Variants in RYR2 observed in about 807,000 individuals in gnomAD.
RYR2 encodes the protein ryanodine receptor 2.
In RYR2, 227 loss-of-function variants were observed where a neutral mutation model predicts 601.1. The observed-to-expected ratio is 0.38, with a 90% CI of 0.34 to 0.42. The LOEUF (loss-of-function observed/expected upper bound fraction) is 0.42, where lower values mean the gene tolerates loss of function less well. Among genes scored for constraint, RYR2 ranks in the 10% least tolerant of loss-of-function variants. The pLI is 1.00. For synonymous variants in RYR2, 2,223 were observed against 2,175.1 expected (o/e 1.02, Z -0.61); for missense variants, 4,646 against 6,156.5 (o/e 0.75, Z 8.21).
In RYR2 at chr1:237,148,549, T is replaced by C. The variant is rs866479900; in HGVS notation, c.48+105980T>C. Among the ~76,000 whole-genome samples the C allele has an allele frequency of 5.0e-4, 65 of 130,296 alleles. 3 individuals carry two copies. Among genetic ancestry groups the C allele is most frequent in the African/African-American group, 2.1e-3 (63 of 29,872 alleles). 85.5% of individuals were successfully genotyped at this position (130,296 alleles called of 152,430 possible). A position where few individuals can be genotyped will look rare whatever the true frequency, so the allele number is the denominator to read the frequency against. The stretch of plus-strand genomic sequence containing the variant: ...AAAAATATATATATATATATATATA[T>C]ATATACACACACACATATATATATA... On this transcript the variant is annotated intron_variant, in intron 1 of 104. Transcript: ENST00000366574.
intron 1 of RYR2, among the ~76,000 whole-genome samples, chr1:237,109,764 G>A (rs952120420): frequency 6.6e-6 from 1 of 151,768 alleles, no homozygotes; most frequent in Non-Finnish European, 1.5e-5. Flanking sequence ...ATAGGTAGGG[G>A]AAACGGAAAT....
Position 237,420,801 on chromosome 1 carries a change from G to A in RYR2, c.849-2291G>A, listed in dbSNP as rs1572242720. Among the ~76,000 whole-genome samples, 2 of 152,116 alleles carry A rather than the reference G, an allele frequency of 1.3e-5. 1 individual carries two copies. The highest frequency in any genetic ancestry group is 4.1e-4 in the South Asian group (2 of 4,834). On this transcript the variant is annotated intron_variant, in intron 11 of 104. Coordinates refer to ENST00000366574, the MANE Select transcript of RYR2 (RefSeq NM_001035.3). ...TTTGTGCTGTTTTGAAAATGAAGGT[G>A]TGTTCCATGATGATTAAGATGAATT...
At chr1:237,491,210 GTTTA>G (rs575364168) in intron 17 of RYR2, among the ~76,000 whole-genome samples, 13 of 152,116 alleles carry the variant, frequency 8.5e-5, no homozygotes, top group Admixed American at 7.2e-4. Flanking sequence ...TGTTATTTCT[GTTTA>G]TTTATGTCTT....
At chr1:237,789,497 A>G (rs1048857102) in intron 92 of RYR2, among the ~76,000 whole-genome samples, 1 of 152,084 alleles carries the variant, frequency 6.6e-6, no homozygotes, top group African/African-American at 2.4e-5. Context: ...GGTATGCCAT[A>G]ATGGCTTCCA....
chr1:237,307,231 A>C (rs542615076), intron 2 of RYR2, among the ~76,000 whole-genome samples: 3 of 152,290 alleles, frequency 2.0e-5, no homozygotes, highest in African/African-American at 7.2e-5. Context: ...TCTTTACATC[A>C]TGAGGAAGAA....
intron 92 of RYR2, among the ~76,000 whole-genome samples, 173 bp downstream of exon 92, chr1:237,788,308 G>C (rs1405044721): frequency 6.6e-6 from 1 of 152,004 alleles, no homozygotes; most frequent in Non-Finnish European, 1.5e-5. Flanking sequence ...GAATGTCTCT[G>C]GCCCACCGCT....
At chr1:237,438,245 A>G (rs997692458) in intron 12 of RYR2, among the ~76,000 whole-genome samples, 5 of 152,148 alleles carry the variant, frequency 3.3e-5, no homozygotes, top group African/African-American at 1.2e-4. Flanking sequence ...TAGTTGCTGT[A>G]AAGTCCTCGT....
intron 1 of RYR2, among the ~76,000 whole-genome samples, chr1:237,058,921 G>A (rs1662513894): frequency 6.6e-6 from 1 of 151,840 alleles, no homozygotes; most frequent in Non-Finnish European, 1.5e-5. Flanking sequence ...ACTGCTTATT[G>A]AACATTCTCT....
In RYR2 at chr1:237,430,600, T is replaced by C. The variant is rs530098757; in HGVS notation, c.1005+7352T>C. 7.9e-5 allele frequency among the ~76,000 whole-genome samples: 12 copies of C among 152,254 alleles called. No individual in the cohort carries two copies. In the East Asian group the frequency reaches 2.3e-3, roughly 29 times the overall value. On this transcript the variant is annotated intron_variant, in intron 12 of 104. Transcript: ENST00000366574. ...TTTTTTCTTTAACTTAAAAAATGTA[T>C]CTCTGGATTATTTTGGCTATTACAA...
chr1:237,396,289 C>G (rs1702851531), intron 10 of RYR2, among the ~76,000 whole-genome samples: 1 of 152,118 alleles, frequency 6.6e-6, no homozygotes, highest in South Asian at 2.1e-4. Context: ...GCTAAGTCAT[C>G]TATATTGAGA....
chr1:237,289,806 A>T (rs757455527), intron 2 of RYR2, among the ~76,000 whole-genome samples: 40 of 152,238 alleles, frequency 2.6e-4, no homozygotes, highest in Admixed American at 7.2e-4. Flanking sequence ...AAATCGATAA[A>T]TAATTATTGA....
chr1:237,101,385 G>A (rs1359119297), intron 1 of RYR2, among the ~76,000 whole-genome samples: 2 of 150,090 alleles, frequency 1.3e-5, no homozygotes, highest in Non-Finnish European at 3.0e-5. Context: ...CCACTATTAA[G>A]GGGAGCAATC....
intron 40 of RYR2, among the ~76,000 whole-genome samples, chr1:237,626,661 G>A (rs1281403108): frequency 2.4e-5 from 3 of 126,680 alleles, no homozygotes; most frequent in South Asian, 2.5e-4. Context: ...GTGCATTTTC[G>A]GCTTACTGCA....
chr1:237,295,368 T>C (rs927509056), intron 2 of RYR2, among the ~76,000 whole-genome samples: 5 of 152,046 alleles, frequency 3.3e-5, no homozygotes, highest in Admixed American at 1.3e-4. Flanking sequence ...CTGATCTAGA[T>C]TGGTACAAAA....
At chr1:237,229,987 T>C (rs1198662203) in intron 1 of RYR2, among the ~76,000 whole-genome samples, 2 of 152,162 alleles carry the variant, frequency 1.3e-5, no homozygotes, top group East Asian at 1.9e-4. Context: ...TTTTTTTATA[T>C]AGAGCTTTGC....
chr1:237,144,642 C>T (rs894454049), intron 1 of RYR2, among the ~76,000 whole-genome samples: 2 of 152,090 alleles, frequency 1.3e-5, no homozygotes, highest in Non-Finnish European at 2.9e-5. Context: ...AAAGGATGGG[C>T]AACATCTCTT....
At position 237,602,129 on chromosome 1, in the gene RYR2, T is replaced by C. The variant is rs371394153; in HGVS notation, c.4683+18T>C. 29 of 1,580,422 alleles carry C rather than the reference T, an allele frequency of 1.8e-5. No individual in the cohort carries two copies. The highest frequency in any genetic ancestry group is 1.7e-4 in the South Asian group (15 of 88,698). Reference sequence around the variant, plus strand: ...GAATAAAGGTAATAAAACTTATTCCTGGTATTGTATTTGTATTTTTTCTAT... The same window carrying C: ...GAATAAAGGTAATAAAACTTATTCCCGGTATTGTATTTGTATTTTTTCTAT... On this transcript the variant is annotated intron_variant, in intron 35 of 104. Coordinates refer to ENST00000366574, the MANE Select transcript of RYR2 (RefSeq NM_001035.3).
rs542777295 is a variant in RYR2 at position 237,330,935 on chromosome 1, C to T, written c.226C>T (p.Arg76Trp). ...TFVLEQSLSVRALQEMLANTV... is the reference protein window; with the variant it reads ...TFVLEQSLSVWALQEMLANTV... ...TGTGCTGGAGCAGTCCCTCTCTGTCCGGGCGCTGCAGGAGATGCTGGCTAA... is the reference window on the plus strand; with the variant it reads ...TGTGCTGGAGCAGTCCCTCTCTGTCTGGGCGCTGCAGGAGATGCTGGCTAA... Residue 76 changes from arginine to tryptophan, a missense_variant, in exon 3 of 105, where the codon CGG (arginine) becomes TGG (tryptophan). Physicochemically the swap from Arg to Trp is moderately radical, Grantham distance 101 (BLOSUM62 -3). Around this residue, in one of 17 missense-constraint regions of RYR2, gnomAD observed 153 missense variants for 203.6 expected, o/e 0.75. Coordinates refer to ENST00000366574, the MANE Select transcript of RYR2 (RefSeq NM_001035.3). 6.2e-6 allele frequency: 10 copies of T among 1,613,982 alleles called. No individual in the cohort carries two copies. Among genetic ancestry groups the T allele is most frequent in the East Asian group, 2.2e-5 (1 of 44,882 alleles).
intron 1 of RYR2, among the ~76,000 whole-genome samples, chr1:237,259,245 C>T (rs1272220829): frequency 2.0e-5 from 3 of 152,112 alleles, no homozygotes; most frequent in Non-Finnish European, 4.4e-5. Context: ...TGGTAGCTCA[C>T]ACCTGTAATC....
Sources: allele counts gnomAD v4.1 joint callset (sites outside exome capture counted in the v4.1 genomes callset), GRCh38; gene constraint gnomAD v4.1.1; regional missense constraint gnomAD v4.1.1; transcripts MANE v1.5; gene names NCBI Gene and HGNC (gene_info 2026-07-23, HGNC 2026-07-21).